Variants in CSMD1 observed in about 807,000 individuals in gnomAD.
The protein encoded by CSMD1 is CUB and sushi domain-containing protein 1.
Under a neutral mutation model 417.5 loss-of-function variants are expected in CSMD1, and 213 were observed. The ratio of observed to expected loss-of-function variants is 0.51; its 90% CI spans 0.46 to 0.57. The LOEUF is 0.57. CSMD1 is among the 20% of genes least tolerant of loss of function. The probability of loss-of-function intolerance (pLI) is 0.00; values close to 1 mark genes in which losing one functional copy is unlikely to be tolerated. For synonymous variants in CSMD1, 2,862 were observed against 1,736.8 expected (o/e 1.65, Z -16.11); for missense variants, 6,923 against 4,529.7 (o/e 1.53, Z -15.17).
At chr8:4,083,215 G>C (rs950084861) in intron 3 of CSMD1, among the ~76,000 whole-genome samples, 1 of 152,066 alleles carries the variant, frequency 6.6e-6, no homozygotes, top group African/African-American at 2.4e-5. Flanking sequence ...GGTTGAACTA[G>C]TTTACAGGCC....
intron 5 of CSMD1, among the ~76,000 whole-genome samples, chr8:3,778,555 G>T (rs765626887): frequency 5.3e-5 from 8 of 152,132 alleles, no homozygotes; most frequent in Non-Finnish European, 1.0e-4. Context: ...CTCTTGCCTG[G>T]GGTTTATTTT....
chr8:3,201,820 G>A (rs1390896219), intron 31 of CSMD1, 95 bp from the exon 32 acceptor site: 3 of 557,902 alleles, frequency 5.4e-6, no homozygotes, highest in South Asian at 3.3e-5. Flanking sequence ...TTGCCCCAAT[G>A]GATCATTATC....
intron 3 of CSMD1, among the ~76,000 whole-genome samples, chr8:4,339,028 T>C (rs150793809): frequency 2.6e-5 from 4 of 152,210 alleles, no homozygotes; most frequent in East Asian, 1.9e-4. Flanking sequence ...TGAGGCTCAA[T>C]TGCTGTAGAG....
At chr8:3,365,011 T>C (rs1027966465) in intron 20 of CSMD1, among the ~76,000 whole-genome samples, 1 of 152,206 alleles carries the variant, frequency 6.6e-6, no homozygotes, top group East Asian at 1.9e-4. Flanking sequence ...CTTGCGTCAC[T>C]GCCATTTTCT....
chr8:4,374,971 G>GGGC (rs1802636698), intron 3 of CSMD1, among the ~76,000 whole-genome samples: 2 of 133,206 alleles, frequency 1.5e-5, no homozygotes, highest in African/African-American at 2.7e-5. Flanking sequence ...TGGGGGGGGG[G>GGGC]GGCGATAGTG....
chr8:2,998,694 C>T (rs1253953117), intron 53 of CSMD1, among the ~76,000 whole-genome samples: 1 of 152,144 alleles, frequency 6.6e-6, no homozygotes, highest in Non-Finnish European at 1.5e-5. Flanking sequence ...GCACACTCAG[C>T]TCCTATTTTT....
chr8:4,084,647 G>C (rs907754395), intron 3 of CSMD1, among the ~76,000 whole-genome samples: 2 of 152,056 alleles, frequency 1.3e-5, no homozygotes, highest in Admixed American at 6.6e-5. Flanking sequence ...TTTAGTGATG[G>C]CACAACATTA....
chr8:3,906,261 G>C (rs1450970296), intron 5 of CSMD1, among the ~76,000 whole-genome samples: 3 of 151,022 alleles, frequency 2.0e-5, no homozygotes, highest in Non-Finnish European at 2.9e-5. Flanking sequence ...GTTACAATGT[G>C]TGCTGCTTCA....
intron 10 of CSMD1, among the ~76,000 whole-genome samples, chr8:3,519,953 A>C (rs7840340): frequency 0.011 from 1,620 of 151,606 alleles, 31 homozygotes; most frequent in African/African-American, 0.037. Context: ...AATTTCGCTG[A>C]AAGTCAGGCA....
At chr8:4,558,643 G>T (rs1006047249) in intron 2 of CSMD1, among the ~76,000 whole-genome samples, 2 of 152,072 alleles carry the variant, frequency 1.3e-5, no homozygotes, top group African/African-American at 4.8e-5. Flanking sequence ...GAGGCAGCTG[G>T]ATCATCTGAG....
intron 3 of CSMD1, among the ~76,000 whole-genome samples, chr8:4,150,811 T>TACAC: frequency 6.6e-6 from 1 of 152,212 alleles, no homozygotes; most frequent in Middle Eastern, 3.4e-3. Context: ...GCAGAGGTGT[T>TACAC]GGGAGAAGAC....
intron 5 of CSMD1, among the ~76,000 whole-genome samples, chr8:3,905,749 T>A (rs573523686): frequency 1.3e-5 from 2 of 152,204 alleles, no homozygotes; most frequent in African/African-American, 4.8e-5. Context: ...CGTCTTAAAA[T>A]TGGATGCTCA....
rs967338254 is a variant in CSMD1, at chr8:3,289,465, C to T, written c.3951-5119G>A. On this transcript the variant is annotated intron_variant, in intron 25 of 69. Transcript: ENST00000635120. ...CAACAGTGTAAAAGTGTTCCTATTT[C>T]TCCATATCCTCTCCAGCACCTGTTT... 1.1e-4 allele frequency among the ~76,000 whole-genome samples: 16 copies of T among 147,544 alleles called. 2 individuals carry two copies. Among genetic ancestry groups the T allele is most frequent in the Admixed American group, 2.7e-4 (4 of 15,034 alleles).
intron 23 of CSMD1, among the ~76,000 whole-genome samples, chr8:3,321,389 C>T (rs907477220): frequency 5.9e-5 from 9 of 152,150 alleles, no homozygotes; most frequent in African/African-American, 2.2e-4. Flanking sequence ...AGCTCCCTTA[C>T]GGCTGCAGCT....
intron 5 of CSMD1, among the ~76,000 whole-genome samples, chr8:3,783,319 C>T (rs527450332): frequency 6.6e-6 from 1 of 152,204 alleles, no homozygotes; most frequent in Non-Finnish European, 1.5e-5. Context: ...AAACACAGTG[C>T]AGATGGCAGG....
intron 3 of CSMD1, among the ~76,000 whole-genome samples, chr8:4,355,412 GC>G (rs1801371258): frequency 6.6e-6 from 1 of 151,860 alleles, no homozygotes; most frequent in African/African-American, 2.4e-5. Flanking sequence ...AACAGAAGTA[GC>G]GAATTCAGGT....
intron 3 of CSMD1, among the ~76,000 whole-genome samples, chr8:4,168,879 G>A (rs1349975102): frequency 5.3e-5 from 8 of 152,086 alleles, no homozygotes; most frequent in Middle Eastern, 3.2e-3. Context: ...GGTGACTGAT[G>A]ATATCAGGAC....
chr8:4,300,908 C>G (rs779600845), intron 3 of CSMD1, among the ~76,000 whole-genome samples: 9 of 152,248 alleles, frequency 5.9e-5, no homozygotes, highest in Admixed American at 2.0e-4. Flanking sequence ...TGTATATGTG[C>G]CACATTTTCT....
chr8:3,131,537 T>C (rs928896905), intron 41 of CSMD1, among the ~76,000 whole-genome samples: 19 of 151,304 alleles, frequency 1.3e-4, no homozygotes, highest in African/African-American at 7.3e-5. Context: ...AGTGGCGTGA[T>C]CTCTTCTCAC....
Sources: gnomAD v4.1 joint callset for allele counts (sites outside exome capture counted in the v4.1 genomes callset) on GRCh38, gnomAD v4.1.1 for gene constraint, MANE v1.5 for transcripts, NCBI Gene and HGNC (gene_info 2026-07-23, HGNC 2026-07-21) for gene names.